The following CHM variants were observed in gnomAD, a reference collection of about 807,000 sequenced individuals.
CHM encodes rab proteins geranylgeranyltransferase component A 1.
In CHM, 10 loss-of-function variants were observed where a neutral mutation model predicts 49.0. The ratio of observed to expected loss-of-function variants is 0.20; its 90% CI spans 0.13 to 0.35. CHM has a LOEUF of 0.35. Ranked by LOEUF, CHM falls within the 10% of genes least tolerant of loss-of-function variation. The pLI, the probability that CHM is intolerant of heterozygous loss-of-function variation, is 1.00. For synonymous variants in CHM, 184 were observed against 167.5 expected (o/e 1.10, Z -0.76); for missense variants, 455 against 478.4 (o/e 0.95, Z 0.46).
chrX:86,005,531 G>C (rs140237438), intron 2 of CHM, among the ~76,000 whole-genome samples: 4,351 of 111,373 alleles, frequency 0.039, 88 homozygotes, highest in South Asian at 0.088. Context: ...GACTAATAAA[G>C]AAGAAGAAAG....
intron 8 of CHM, among the ~76,000 whole-genome samples, chrX:85,935,249 C>G (rs894260074): frequency 7.2e-5 from 8 of 111,275 alleles, no homozygotes; most frequent in Non-Finnish European, 1.3e-4. Context: ...AGTGAGAACT[C>G]ACTTACGACC....
intron 4 of CHM, chrX:85,971,143 T>C: frequency 2.7e-6 from 2 of 747,348 alleles, no homozygotes; most frequent in Non-Finnish European, 3.2e-6. Flanking sequence ...AGAATTATAT[T>C]GCCCAAATAC....
intron 8 of CHM, among the ~76,000 whole-genome samples, chrX:85,933,727 G>GT (rs1928572373): frequency 1.8e-5 from 2 of 111,905 alleles, no homozygotes; most frequent in South Asian, 7.4e-4. Context: ...TTCTAATAGA[G>GT]TGAAAAGAGA....
At chrX:85,889,396 G>T (rs1426196058) in intron 12 of CHM, among the ~76,000 whole-genome samples, 2 of 111,873 alleles carry the variant, frequency 1.8e-5, no homozygotes, top group African/African-American at 6.5e-5. Flanking sequence ...AGCAGGCAAA[G>T]ATTTGAACAG....
At chrX:85,882,715 C>T (rs1471188613) in intron 12 of CHM, among the ~76,000 whole-genome samples, 1 of 111,873 alleles carries the variant, frequency 8.9e-6, no homozygotes, top group African/African-American at 3.2e-5. Context: ...AACACACTTT[C>T]AGTTCTCCAA....
At chrX:85,913,693 T>C (rs1445692612) in intron 8 of CHM, among the ~76,000 whole-genome samples, 4 of 110,537 alleles carry the variant, frequency 3.6e-5, no homozygotes, top group Middle Eastern at 4.7e-3. Flanking sequence ...ATGGCACCAA[T>C]AGGAAAGTAA....
At chrX:85,875,963 T>C (rs915527690) in intron 13 of CHM, among the ~76,000 whole-genome samples, 1 of 111,850 alleles carries the variant, frequency 8.9e-6, no homozygotes, top group African/African-American at 3.2e-5. Context: ...AACAAATATT[T>C]ACAAGTCATG....
intron 14 of CHM, 133 bp downstream of exon 14, chrX:85,872,919 A>G: frequency 9.3e-6 from 5 of 538,358 alleles, no homozygotes; most frequent in Non-Finnish European, 1.5e-5. Context: ...TCATAGAAAA[A>G]ACTTTTAGGG....
At chrX:86,012,306 T>C (rs954843444) in intron 2 of CHM, among the ~76,000 whole-genome samples, 1 of 111,658 alleles carries the variant, frequency 9.0e-6, no homozygotes, top group Non-Finnish European at 1.9e-5. Flanking sequence ...TGGTGGCAAT[T>C]GAACAGGCCC....
chrX:86,024,594 C>A (rs1933731684), intron 2 of CHM, among the ~76,000 whole-genome samples: 1 of 111,873 alleles, frequency 8.9e-6, no homozygotes, highest in Non-Finnish European at 1.9e-5. Context: ...AGGTTATGAG[C>A]TCATTCAGTT....
chrX:85,960,007 ACT>A, intron 5 of CHM, among the ~76,000 whole-genome samples: 1 of 111,709 alleles, frequency 9.0e-6, no homozygotes, highest in East Asian at 2.8e-4. Flanking sequence ...AATTGACATC[ACT>A]TTTTTGAAGC....
intron 5 of CHM, among the ~76,000 whole-genome samples, chrX:85,960,166 C>A (rs1455279590): frequency 9.0e-6 from 1 of 111,216 alleles, no homozygotes; most frequent in Non-Finnish European, 1.9e-5. Context: ...CTTCAAAAAT[C>A]ACTTGTTTAA....
intron 4 of CHM, among the ~76,000 whole-genome samples, chrX:85,972,817 C>T (rs957050486): frequency 3.6e-5 from 4 of 112,288 alleles, no homozygotes; most frequent in African/African-American, 1.3e-4. Context: ...AGTGCAGCGG[C>T]GGGCCGAAGG....
intron 14 of CHM, among the ~76,000 whole-genome samples, chrX:85,865,232 G>A (rs1187693493): frequency 9.0e-6 from 1 of 111,532 alleles, no homozygotes; most frequent in Non-Finnish European, 1.9e-5. Flanking sequence ...CACGTGTTAG[G>A]GGGTGACTAG....
intron 4 of CHM, chrX:85,970,236 C>T (rs760855490): frequency 1.7e-4 from 124 of 734,606 alleles, no homozygotes; most frequent in Non-Finnish European, 1.9e-4. Flanking sequence ...TTAAAAAATC[C>T]CATGGCATAT....
intron 2 of CHM, among the ~76,000 whole-genome samples, chrX:86,005,475 G>T (rs917578889): frequency 2.6e-4 from 29 of 111,182 alleles, no homozygotes; most frequent in African/African-American, 9.2e-4. Flanking sequence ...TGAATCCAGG[G>T]GCTGGTTTTT....
At chrX:85,955,299 A>G in intron 8 of CHM, among the ~76,000 whole-genome samples, 1 of 112,021 alleles carries the variant, frequency 8.9e-6, no homozygotes, top group African/African-American at 3.2e-5. Context: ...TGGATACTCC[A>G]TTTACCATGA....
chrX:85,896,252 T>C (rs760058692), intron 11 of CHM, among the ~76,000 whole-genome samples: 1 of 110,050 alleles, frequency 9.1e-6, no homozygotes, highest in Non-Finnish European at 1.9e-5. Flanking sequence ...CTGAAGGATA[T>C]GTAGAAGGCA....
chrX:85,936,161 T>C (rs1028679113), intron 8 of CHM, among the ~76,000 whole-genome samples: 25 of 111,731 alleles, frequency 2.2e-4, no homozygotes, highest in African/African-American at 6.8e-4. Flanking sequence ...ATAAAGCAAA[T>C]ACATCTATCA....
Sources: allele counts gnomAD v4.1 joint callset (sites outside exome capture counted in the v4.1 genomes callset), GRCh38; gene constraint gnomAD v4.1.1; transcripts MANE v1.5; gene names NCBI Gene and HGNC (gene_info 2026-07-23, HGNC 2026-07-21).